Variants in ARL15 observed in about 807,000 individuals in gnomAD.
The protein encoded by ARL15 is ADP-ribosylation factor-like protein 15.
A neutral mutation model predicts 25.2 loss-of-function variants in ARL15; 19 were observed. The ratio of observed to expected loss-of-function variants is 0.75; its 90% CI spans 0.53 to 1.10. The LOEUF is 1.10. Ranked by LOEUF, ARL15 falls within the 50% of genes least tolerant of loss-of-function variation. ARL15 has a pLI of 0.00. For missense variants in ARL15, 220 were observed against 246.0 expected (o/e 0.89, Z 0.71); for synonymous variants, 94 against 86.8 (o/e 1.08, Z -0.46).
intron 1 of ARL15, among the ~76,000 whole-genome samples, chr5:54,230,448 C>G (rs1228745280): frequency 6.6e-6 from 1 of 151,860 alleles, no homozygotes; most frequent in Non-Finnish European, 1.5e-5. Flanking sequence ...AGAGAATGTC[C>G]TGAATGGCCT....
chr5:54,067,991 CT>C (rs1337266565), intron 4 of ARL15, among the ~76,000 whole-genome samples: 1 of 152,206 alleles, frequency 6.6e-6, no homozygotes. Flanking sequence ...AGGTCTATCT[CT>C]CCCACTAAAG....
At chr5:54,019,170 T>G (rs1749518435) in intron 4 of ARL15, among the ~76,000 whole-genome samples, 1 of 152,070 alleles carries the variant, frequency 6.6e-6, no homozygotes, top group African/African-American at 2.4e-5. Context: ...ACAGGTTTTT[T>G]TTTTTTCTTT....
chr5:54,283,527 G>T (rs1758111396), intron 1 of ARL15, among the ~76,000 whole-genome samples: 1 of 152,042 alleles, frequency 6.6e-6, no homozygotes, highest in Non-Finnish European at 1.5e-5. Context: ...TTACTATCAT[G>T]ACTGTAACAT....
chr5:53,928,832 C>T (rs1211241754), intron 4 of ARL15, among the ~76,000 whole-genome samples: 4 of 152,176 alleles, frequency 2.6e-5, no homozygotes, highest in Non-Finnish European at 4.4e-5. Flanking sequence ...CCACATAAAA[C>T]TCACTGCGTT....
chr5:53,957,788 C>T (rs753250256), intron 4 of ARL15, among the ~76,000 whole-genome samples: 1 of 152,160 alleles, frequency 6.6e-6, no homozygotes, highest in African/African-American at 2.4e-5. Flanking sequence ...TGTACCATTG[C>T]ATTCCAGCCT....
At chr5:54,112,643 T>G (rs958005147) in intron 4 of ARL15, among the ~76,000 whole-genome samples, 2 of 152,172 alleles carry the variant, frequency 1.3e-5, no homozygotes, top group Non-Finnish European at 2.9e-5. Flanking sequence ...CATGCTTTTA[T>G]AGGAGAGATA....
intron 4 of ARL15, among the ~76,000 whole-genome samples, chr5:53,890,691 A>G (rs1347773954): frequency 6.6e-6 from 1 of 152,098 alleles, no homozygotes; most frequent in Non-Finnish European, 1.5e-5. Flanking sequence ...CAGCCAACCT[A>G]TTTTAGCCCT....
intron 4 of ARL15, among the ~76,000 whole-genome samples, chr5:54,051,665 C>A: frequency 6.6e-6 from 1 of 152,168 alleles, no homozygotes; most frequent in East Asian, 1.9e-4. Flanking sequence ...AACAGTACCA[C>A]CAACAACTGT....
At chr5:54,123,672 T>C (rs1753160587) in intron 3 of ARL15, among the ~76,000 whole-genome samples, 1 of 152,120 alleles carries the variant, frequency 6.6e-6, no homozygotes, top group Non-Finnish European at 1.5e-5. Context: ...TTACTATATA[T>C]TAAAACAAGA....
chr5:54,256,537 T>TTA (rs1365904100), intron 1 of ARL15, among the ~76,000 whole-genome samples: 1 of 145,464 alleles, frequency 6.9e-6, no homozygotes, highest in Admixed American at 7.0e-5. Flanking sequence ...GCCAAAAGAC[T>TTA]GAGAAAGACG....
intron 1 of ARL15, among the ~76,000 whole-genome samples, chr5:54,308,127 T>C (rs889207893): frequency 6.6e-6 from 1 of 152,206 alleles, no homozygotes; most frequent in African/African-American, 2.4e-5. Context: ...CACATCATTT[T>C]CTCTGAAAGT....
chr5:54,221,961 G>A lies in ARL15; in HGVS notation c.49-50033C>T, dbSNP rs184389602. ...ACATTTTTGAACAATGAAAAGGCAA[G>A]AGAAATTTAAGCGTCTTGGGAAATA... On this transcript the variant is annotated intron_variant, in intron 1 of 4. Coordinates refer to ENST00000504924, the MANE Select transcript of ARL15 (RefSeq NM_019087.3). 5.9e-5 allele frequency among the ~76,000 whole-genome samples: 9 copies of A among 152,276 alleles called. No homozygotes were observed. The East Asian group carries it at 1.5e-3, about 26-fold the overall frequency.
intron 2 of ARL15, among the ~76,000 whole-genome samples, chr5:54,157,309 T>C (rs1172080894): frequency 6.6e-6 from 1 of 152,272 alleles, no homozygotes; most frequent in Non-Finnish European, 1.5e-5. Flanking sequence ...AGGCAGATTA[T>C]GTCACTGTTA....
intron 1 of ARL15, among the ~76,000 whole-genome samples, chr5:54,209,140 G>A (rs929341056): frequency 2.6e-5 from 4 of 152,126 alleles, no homozygotes; most frequent in African/African-American, 9.7e-5. Context: ...CCCAAAATGA[G>A]AACATTAACT....
chr5:54,046,651 G>C (rs1300641356), intron 4 of ARL15, among the ~76,000 whole-genome samples: 3 of 152,226 alleles, frequency 2.0e-5, no homozygotes, highest in Admixed American at 6.5e-5. Flanking sequence ...GAATGTCCTA[G>C]GGATTTGGAG....
chr5:54,011,966 G>A (rs537356529), intron 4 of ARL15, among the ~76,000 whole-genome samples: 15 of 151,928 alleles, frequency 9.9e-5, no homozygotes, highest in South Asian at 2.1e-4. Context: ...CTGAGATCGC[G>A]CCACTGCACC....
Position 54,056,626 on chromosome 5 carries a change from TAAAAA to T in ARL15, c.462+56571_462+56575del, listed in dbSNP as rs34643850. 2.8e-4 allele frequency among the ~76,000 whole-genome samples: 31 copies of T among 112,656 alleles called. 1 individual carries two copies. The highest frequency in any genetic ancestry group is 7.7e-4 in the African/African-American group (26 of 33,876). The allele number at this position is 112,656 out of a possible 152,430, so 73.9% of individuals were successfully genotyped here. Reference sequence around the variant, plus strand: ...GCCTGGGTAACAGAGTAAAACTGTCTAAAAAAAAAAAAAAAAAAGTCTGATTCAAA... The same window carrying T: ...GCCTGGGTAACAGAGTAAAACTGTCTAAAAAAAAAAAAAGTCTGATTCAAA... On this transcript the variant is annotated intron_variant, in intron 4 of 4. Coordinates refer to ENST00000504924, the MANE Select transcript of ARL15 (RefSeq NM_019087.3).
At chr5:54,077,008 A>G (rs570928626) in intron 4 of ARL15, among the ~76,000 whole-genome samples, 119 of 152,324 alleles carry the variant, frequency 7.8e-4, no homozygotes, top group Admixed American at 4.0e-3. Context: ...CTTCTATGCT[A>G]CGCAGGATGT....
chr5:53,944,520 A>G (rs1303576249), intron 4 of ARL15, among the ~76,000 whole-genome samples: 3 of 151,944 alleles, frequency 2.0e-5, no homozygotes, highest in African/African-American at 7.3e-5. Context: ...TGAGTCTGGG[A>G]GGTTGAGGCT....
Sources: gnomAD v4.1 joint callset for allele counts (sites outside exome capture counted in the v4.1 genomes callset) on GRCh38, gnomAD v4.1.1 for gene constraint, MANE v1.5 for transcripts, NCBI Gene and HGNC (gene_info 2026-07-23, HGNC 2026-07-21) for gene names.